The following ACTL10 variants were observed in gnomAD, a reference collection of about 807,000 sequenced individuals.
ACTL10 encodes actin like 10.
For missense variants in ACTL10, 413 were observed against 359.4 expected (o/e 1.15, Z -1.21); for synonymous variants, 180 against 169.9 (o/e 1.06, Z -0.46).
Position 33,667,578 on chromosome 20 carries a change from C to T in ACTL10, c.81C>T (p.Cys27=), listed in dbSNP as rs1397971910. The T allele has an allele frequency of 7.0e-6, 11 of 1,560,574 alleles. No homozygotes were observed. Among genetic ancestry groups the T allele is most frequent in the Non-Finnish European group, 9.5e-6 (11 of 1,155,908 alleles). Reference sequence around the variant, plus strand: ...CCGTGGAGGCGGGCGCGGGCGTGTGCCACGCCACGCCCATCTACGCGGGTC... The same window carrying T: ...CCGTGGAGGCGGGCGCGGGCGTGTGTCACGCCACGCCCATCTACGCGGGTC... ...GLAVEAGAGV[C]HATPIYAGHS... The change falls in exon 1 of 1, where the codon TGC becomes TGT. Residue 27 remains cysteine, a synonymous_variant. Coordinates refer to ENST00000677665, the MANE Select transcript of ACTL10 (RefSeq NM_001024675.2).
In ACTL10 at chr20:33,667,691, C is replaced by A. The variant is rs1006881494; in HGVS notation, c.194C>A (p.Pro65His). 5 of 1,612,128 alleles carry A rather than the reference C, an allele frequency of 3.1e-6. No homozygotes were observed. Among genetic ancestry groups the A allele is most frequent in the Admixed American group, 3.3e-5 (2 of 60,022 alleles). The change falls in exon 1 of 1, where the codon CCT becomes CAT. Residue 65 changes from proline to histidine, a missense_variant. Coordinates refer to ENST00000677665, the MANE Select transcript of ACTL10 (RefSeq NM_001024675.2). Reference sequence around the variant, plus strand: ...CGGGATCTGCTGGTGGCGGCGAACCCTGACCTCTTGCAGCAGGCCCTGCCC... The same window carrying A: ...CGGGATCTGCTGGTGGCGGCGAACCATGACCTCTTGCAGCAGGCCCTGCCC... ...YLRDLLVAAN[P>H]DLLQQALPRK... is the part of the protein sequence containing the mutation.
rs1188619635 is a variant in ACTL10, at chr20:33,667,560, GGCGGGC to G, written c.71_76del (p.Ala24_Gly25del). ...GCGCGTTCAGCGGGCTGGCCGTGGA[GGCGGGC>G]GCGGGCGTGTGCCACGCCACGCCCA... On this transcript the variant is annotated inframe_deletion, in exon 1 of 1. Coordinates refer to ENST00000677665, the MANE Select transcript of ACTL10 (RefSeq NM_001024675.2). The G allele has an allele frequency of 3.2e-6, 5 of 1,551,252 alleles. No individual in the cohort carries two copies. Among genetic ancestry groups the G allele is most frequent in the South Asian group, 2.3e-5 (2 of 85,986 alleles).
rs1432166966 is a variant in ACTL10 at position 33,668,461 on chromosome 20, A to G, written c.*226A>G. The G allele has an allele frequency of 5.6e-6, 3 of 538,556 alleles. No individual in the cohort carries two copies. The Admixed American group carries it at 1.1e-4, about 20-fold the overall frequency. The allele number at this position is 538,556 out of a possible 1,614,324, so 33.4% of individuals were successfully genotyped here. A position where few individuals can be genotyped will look rare whatever the true frequency, so the allele number is the denominator to read the frequency against. The stretch of plus-strand genomic sequence containing the variant: ...CTGCCAGTTCAGAGAATGCCAGTCC[A>G]GCTGCCTACCCACAGGGCCCTACTT... On this transcript the variant is annotated 3_prime_UTR_variant, in exon 1 of 1. Transcript: ENST00000677665.
Position 33,668,173 on chromosome 20 carries a change from T to C in ACTL10, c.676T>C (p.Trp226Arg). Reference protein sequence around the residue: ...VASLHSFQRRWITRAMYQECG... With the variant: ...VASLHSFQRRRITRAMYQECG... ...CTCCCTGCACTCCTTCCAGCGCCGC[T>C]GGATAACTCGGGCCATGTACCAGGA... Residue 226 changes from tryptophan to arginine, a missense_variant, in exon 1 of 1, where the codon TGG becomes CGG. By Grantham distance (101) the Trp-to-Arg change is moderately radical. Transcript: ENST00000677665. 1.2e-6 allele frequency: 2 copies of C among 1,612,062 alleles called. No individual in the cohort carries two copies. Among genetic ancestry groups the C allele is most frequent in the South Asian group, 1.1e-5 (1 of 90,964 alleles).
rs1380278645 is a variant in ACTL10 at position 33,667,035 on chromosome 20, G to A, written c.-463G>A. The A allele has an allele frequency of 1.9e-5, 3 of 160,294 alleles. No homozygotes were observed. Among genetic ancestry groups the A allele is most frequent in the Non-Finnish European group, 4.1e-5 (3 of 73,620 alleles). The allele number at this position is 160,294 out of a possible 1,614,324, so 9.9% of individuals were successfully genotyped here. ...AGGTATCGGGCCGACGAAGCCGAGTGGCGCGGAGGAGCGGAGCCTTCAGCC... is the reference window on the plus strand; with the variant it reads ...AGGTATCGGGCCGACGAAGCCGAGTAGCGCGGAGGAGCGGAGCCTTCAGCC... On this transcript the variant is annotated 5_prime_UTR_variant, in exon 1 of 1. Transcript: ENST00000677665.
rs368337760 is a variant in ACTL10, at chr20:33,667,474, A to G, written c.-24A>G. 5 of 1,453,598 alleles carry G rather than the reference A, an allele frequency of 3.4e-6. No individual in the cohort carries two copies. The highest frequency in any genetic ancestry group is 5.1e-5 in the East Asian group (2 of 39,424). 90.0% of individuals were successfully genotyped at this position (1,453,598 alleles called of 1,614,324 possible). A position where few individuals can be genotyped will look rare whatever the true frequency, so the allele number is the denominator to read the frequency against. ...AAGGGTGGCGGAGCTGCTGTTCGAG[A>G]CCCTGGCAGTGCCCGCGTGCCACAT... On this transcript the variant is annotated 5_prime_UTR_variant, in exon 1 of 1. Transcript: ENST00000677665.
In ACTL10 at chr20:33,668,197, G is replaced by T. The variant is rs765015385; in HGVS notation, c.700G>T (p.Glu234Ter). Reference sequence around the variant, plus strand: ...CTGGATAACTCGGGCCATGTACCAGGAGTGTGGCTCCAGGCTGCTGTACGA... The same window carrying T: ...CTGGATAACTCGGGCCATGTACCAGTAGTGTGGCTCCAGGCTGCTGTACGA... ...RRWITRAMYQ[E>*]CGSRLLYDVF... is the part of the protein sequence containing the mutation. Residue 234 changes from glutamate (E) to a stop codon, truncating the protein, a stop_gained, in exon 1 of 1, where the codon GAG (glutamate) becomes TAG (stop). Coordinates refer to ENST00000677665, the MANE Select transcript of ACTL10 (RefSeq NM_001024675.2). LOFTEE classifies it high-confidence loss of function. 2 of 1,608,168 alleles carry T rather than the reference G, an allele frequency of 1.2e-6. No homozygotes were observed. The highest frequency in any genetic ancestry group is 3.4e-5 in the Admixed American group (2 of 58,972).
chr20:33,668,302 T>C lies in ACTL10; in HGVS notation c.*67T>C, dbSNP rs1049660672. The C allele has an allele frequency of 5.6e-5, 85 of 1,521,276 alleles. No homozygotes were observed. Among genetic ancestry groups the C allele is most frequent in the Non-Finnish European group, 7.2e-5 (81 of 1,132,570 alleles). 94.2% of individuals were successfully genotyped at this position (1,521,276 alleles called of 1,614,324 possible). A position where few individuals can be genotyped will look rare whatever the true frequency, so the allele number is the denominator to read the frequency against. ...GCTCTCTATCTAAAGAGTCAAGTGT[T>C]TGGAGCTGGCAGGGTCCTCCTGGAG... On this transcript the variant is annotated 3_prime_UTR_variant, in exon 1 of 1. Transcript: ENST00000677665.
Position 33,667,562 on chromosome 20 carries a change from C to T in ACTL10, c.65C>T (p.Ala22Val), listed in dbSNP as rs779510428. 9.0e-6 allele frequency: 14 copies of T among 1,551,684 alleles called. No individual in the cohort carries two copies. Among genetic ancestry groups the T allele is most frequent in the South Asian group, 7.0e-5 (6 of 86,012 alleles). ...GCGTTCAGCGGGCTGGCCGTGGAGG[C>T]GGGCGCGGGCGTGTGCCACGCCACG... is the stretch of plus-strand genomic sequence containing the variant. ...TGAFSGLAVE[A>V]GAGVCHATPI... Residue 22 changes from alanine (A) to valine (V), a missense_variant, in exon 1 of 1, where the codon GCG becomes GTG. Physicochemically the swap from Ala to Val is moderately conservative, Grantham distance 64. Coordinates refer to ENST00000677665, the MANE Select transcript of ACTL10 (RefSeq NM_001024675.2).
chr20:33,668,238 C>A lies in ACTL10; in HGVS notation c.*3C>A. 1 of 1,575,070 alleles carries A rather than the reference C, an allele frequency of 6.3e-7. No individual in the cohort carries two copies. Among genetic ancestry groups the A allele is most frequent in the South Asian group, 1.2e-5 (1 of 86,514 alleles). ...TGCTGTACGATGTGTTCAACTGAGT[C>A]AGGCTGGACTGGGGGGGGTGGCACT... On this transcript the variant is annotated 3_prime_UTR_variant, in exon 1 of 1. Coordinates refer to ENST00000677665, the MANE Select transcript of ACTL10 (RefSeq NM_001024675.2).
Position 33,667,545 on chromosome 20 carries a change from C to T in ACTL10, c.48C>T (p.Ser16=), listed in dbSNP as rs751475874. Reference sequence around the variant, plus strand: ...CGCTCTGCTCCACCGGCGCGTTCAGCGGGCTGGCCGTGGAGGCGGGCGCGG... The same window carrying T: ...CGCTCTGCTCCACCGGCGCGTTCAGTGGGCTGGCCGTGGAGGCGGGCGCGG... ...LLALCSTGAF[S]GLAVEAGAGV... Residue 16 remains serine, a synonymous_variant, in exon 1 of 1, where the codon AGC becomes AGT. Coordinates refer to ENST00000677665, the MANE Select transcript of ACTL10 (RefSeq NM_001024675.2). 22 of 1,545,966 alleles carry T rather than the reference C, an allele frequency of 1.4e-5. 1 individual carries two copies. In the South Asian group the frequency reaches 1.6e-4, roughly 11 times the overall value.
chr20:33,667,570 G>T lies in ACTL10; in HGVS notation c.73G>T (p.Gly25Cys). The T allele has an allele frequency of 6.4e-7, 1 of 1,558,968 alleles. No individual in the cohort carries two copies. ...FSGLAVEAGA[G>C]VCHATPIYAG... ...CGGGCTGGCCGTGGAGGCGGGCGCGGGCGTGTGCCACGCCACGCCCATCTA... is the reference window on the plus strand; with the variant it reads ...CGGGCTGGCCGTGGAGGCGGGCGCGTGCGTGTGCCACGCCACGCCCATCTA... Residue 25 changes from glycine to cysteine, a missense_variant, in exon 1 of 1, where the codon GGC becomes TGC. Transcript: ENST00000677665.
rs1361207385 is a variant in ACTL10 at position 33,668,295 on chromosome 20, C to A, written c.*60C>A. On this transcript the variant is annotated 3_prime_UTR_variant, in exon 1 of 1. Transcript: ENST00000677665. ...GGGGACAGCTCTCTATCTAAAGAGT[C>A]AAGTGTTTGGAGCTGGCAGGGTCCT... The A allele has an allele frequency of 6.2e-5, 95 of 1,526,180 alleles. No homozygotes were observed. Among genetic ancestry groups the A allele is most frequent in the Non-Finnish European group, 8.3e-5 (94 of 1,134,864 alleles). 94.5% of individuals were successfully genotyped at this position (1,526,180 alleles called of 1,614,324 possible).
Position 33,667,217 on chromosome 20 carries a change from A to C in ACTL10, c.-281A>C. 1 of 354,018 alleles carries C rather than the reference A, an allele frequency of 2.8e-6. No individual in the cohort carries two copies. Among genetic ancestry groups the C allele is most frequent in the Non-Finnish European group, 5.0e-6 (1 of 198,572 alleles). The allele number at this position is 354,018 out of a possible 1,614,324, so 21.9% of individuals were successfully genotyped here. A position where few individuals can be genotyped will look rare whatever the true frequency, so the allele number is the denominator to read the frequency against. On this transcript the variant is annotated 5_prime_UTR_variant, in exon 1 of 1. Coordinates refer to ENST00000677665, the MANE Select transcript of ACTL10 (RefSeq NM_001024675.2). ...GAGAACCAGCCGCGCATAGTGCTGA[A>C]GAGCTCTAGCTTGGTGCCCAGCTGG...
Position 33,667,271 on chromosome 20 carries a change from G to A in ACTL10, c.-227G>A. ...CGGCCGGTGCTGCCCGGAGCGCCGG[G>A]CTGCGAGCTGGCGGGCGGCGTGGCG... On this transcript the variant is annotated 5_prime_UTR_variant, in exon 1 of 1. Transcript: ENST00000677665. 2.1e-6 allele frequency: 1 copy of A among 468,078 alleles called. No individual in the cohort carries two copies. Among genetic ancestry groups the A allele is most frequent in the Non-Finnish European group, 3.5e-6 (1 of 285,022 alleles). The allele number at this position is 468,078 out of a possible 1,614,324, so 29.0% of individuals were successfully genotyped here. A position where few individuals can be genotyped will look rare whatever the true frequency, so the allele number is the denominator to read the frequency against.
Position 33,668,232 on chromosome 20 carries a change from C to A in ACTL10, c.735C>A (p.Asn245Lys). ...CCAGGCTGCTGTACGATGTGTTCAA[C>A]TGAGTCAGGCTGGACTGGGGGGGGT... ...CGSRLLYDVF[N>K] Residue 245 changes from asparagine to lysine, a missense_variant, in exon 1 of 1, where the codon AAC becomes AAA. Physicochemically the swap from Asn to Lys is moderately conservative, Grantham distance 94. Transcript: ENST00000677665. 1 of 1,579,726 alleles carries A rather than the reference C, an allele frequency of 6.3e-7. No individual in the cohort carries two copies. Among genetic ancestry groups the A allele is most frequent in the Non-Finnish European group, 8.6e-7 (1 of 1,160,374 alleles).
At position 33,667,628 on chromosome 20, in the gene ACTL10, G is replaced by A. The variant is rs375079608; in HGVS notation, c.131G>A (p.Arg44Gln). The change falls in exon 1 of 1, where the codon CGA becomes CAA. Residue 44 changes from arginine (R) to glutamine (Q), a missense_variant. Physicochemically the swap from Arg to Gln is conservative, Grantham distance 43 (BLOSUM62 1). Coordinates refer to ENST00000677665, the MANE Select transcript of ACTL10 (RefSeq NM_001024675.2). ...CACTCGTGGCACCAGGCCACCTTCCGACTGAACGTGGCAGGCAGCACCCTG... is the reference window on the plus strand; with the variant it reads ...CACTCGTGGCACCAGGCCACCTTCCAACTGAACGTGGCAGGCAGCACCCTG... ...AGHSWHQATFRLNVAGSTLSR... is the reference protein window; with the variant it reads ...AGHSWHQATFQLNVAGSTLSR... 8.1e-6 allele frequency: 13 copies of A among 1,602,552 alleles called. No homozygotes were observed. In the African/African-American group the frequency reaches 9.4e-5, roughly 12 times the overall value.
In ACTL10 at chr20:33,668,284, A is replaced by G. The variant is rs373560905; in HGVS notation, c.*49A>G. On this transcript the variant is annotated 3_prime_UTR_variant, in exon 1 of 1. Coordinates refer to ENST00000677665, the MANE Select transcript of ACTL10 (RefSeq NM_001024675.2). Reference sequence around the variant, plus strand: ...GCACTGCGTTGGGGGACAGCTCTCTATCTAAAGAGTCAAGTGTTTGGAGCT... The same window carrying G: ...GCACTGCGTTGGGGGACAGCTCTCTGTCTAAAGAGTCAAGTGTTTGGAGCT... 2.6e-5 allele frequency: 40 copies of G among 1,534,448 alleles called. No homozygotes were observed. Among genetic ancestry groups the G allele is most frequent in the Non-Finnish European group, 9.7e-6 (11 of 1,139,128 alleles).
Position 33,667,188 on chromosome 20 carries a change from G to A in ACTL10, c.-310G>A, listed in dbSNP as rs1601167464. On this transcript the variant is annotated 5_prime_UTR_variant, in exon 1 of 1. Coordinates refer to ENST00000677665, the MANE Select transcript of ACTL10 (RefSeq NM_001024675.2). ...CGGGCTTCACCAAGGCGGGCTTCGC[G>A]GGCGAGAACCAGCCGCGCATAGTGC... 2 of 283,762 alleles carry A rather than the reference G, an allele frequency of 7.0e-6. No individual in the cohort carries two copies. The highest frequency in any genetic ancestry group is 5.8e-5 in the East Asian group (1 of 17,232). The allele number at this position is 283,762 out of a possible 1,614,324, so 17.6% of individuals were successfully genotyped here. A position where few individuals can be genotyped will look rare whatever the true frequency, so the allele number is the denominator to read the frequency against.
Sources: gnomAD v4.1 joint callset for allele counts on GRCh38, gnomAD v4.1.1 for gene constraint, MANE v1.5 for transcripts, NCBI Gene and HGNC (gene_info 2026-07-23, HGNC 2026-07-21) for gene names.